ALS2: variants seen among roughly 807,000 people sequenced by gnomAD.
ALS2 encodes alsin.
In ALS2, 117 loss-of-function variants were observed where a neutral mutation model predicts 203.4. That is an observed-to-expected ratio of 0.58 (90% CI 0.50 to 0.67). The LOEUF is 0.67. Among genes scored for constraint, ALS2 ranks in the 30% least tolerant of loss-of-function variants. ALS2 has a pLI of 0.00. For missense variants in ALS2, 1,715 were observed against 1,989.4 expected (o/e 0.86, Z 2.62); for synonymous variants, 718 against 725.9 (o/e 0.99, Z 0.17).
chr2:201,752,370 T>C (rs939885331), intron 7 of ALS2, among the ~76,000 whole-genome samples: 2 of 152,170 alleles, frequency 1.3e-5, no homozygotes. Context: ...TATATGTATA[T>C]AATAAAGCCA....
chr2:201,709,193 G>A (rs1227228992), intron 27 of ALS2, among the ~76,000 whole-genome samples: 2 of 152,052 alleles, frequency 1.3e-5, no homozygotes, highest in East Asian at 3.9e-4. Flanking sequence ...TGCCTTCTTC[G>A]AGTCTCTGCT....
At chr2:201,767,117 A>G in intron 3 of ALS2, 112 bp downstream of exon 3, 1 of 1,234,248 alleles carries the variant, frequency 8.1e-7, no homozygotes, top group Non-Finnish European at 1.1e-6. Flanking sequence ...AAAAAAAAAG[A>G]AAGAAAAAGA....
intron 11 of ALS2, among the ~76,000 whole-genome samples, chr2:201,740,843 A>G (rs1692221260): frequency 3.9e-5 from 6 of 152,156 alleles, no homozygotes; most frequent in Admixed American, 3.9e-4. Flanking sequence ...TTATGTTATA[A>G]ATAATCAAAA....
intron 1 of ALS2, among the ~76,000 whole-genome samples, chr2:201,780,528 A>AGCT (rs531034005): frequency 3.2e-4 from 48 of 152,316 alleles, no homozygotes; most frequent in African/African-American, 1.1e-3. Flanking sequence ...GTGAATGAAT[A>AGCT]GCTGGAAGGC....
rs755444821 is a variant in ALS2 at position 201,744,316 on chromosome 2, T to A, written c.2112A>T (p.Arg704=). The part of the protein sequence containing the change: ...SLHELATTER[R]FYSKLSDIKS... ...TGATATCACTTAGTTTTGAATAGAATCGTCTTTCTGTAGTAGCTAACTCGT... is the reference window on the plus strand; with the variant it reads ...TGATATCACTTAGTTTTGAATAGAAACGTCTTTCTGTAGTAGCTAACTCGT... The change falls in exon 10 of 34, where the codon CGA becomes CGT. Residue 704 remains arginine (R), a synonymous_variant. Coordinates refer to ENST00000264276, the MANE Select transcript of ALS2 (RefSeq NM_020919.4). 1.9e-6 allele frequency: 3 copies of A among 1,614,134 alleles called. No individual in the cohort carries two copies. In the East Asian group the frequency reaches 6.7e-5, roughly 36 times the overall value.
At chr2:201,706,664 T>C (rs775067399) in intron 29 of ALS2, among the ~76,000 whole-genome samples, 182 bp downstream of exon 29, 2 of 150,944 alleles carry the variant, frequency 1.3e-5, no homozygotes, top group Non-Finnish European at 3.0e-5. Flanking sequence ...GGTTTCATAC[T>C]CATCTCCAAA....
chr2:201,772,020 C>T (rs1694409581), intron 1 of ALS2, among the ~76,000 whole-genome samples: 1 of 152,222 alleles, frequency 6.6e-6, no homozygotes, highest in Non-Finnish European at 1.5e-5. Context: ...CTTCAGTCTT[C>T]TGAACCGCAG....
chr2:201,748,713 C>G (rs114656966), intron 8 of ALS2, among the ~76,000 whole-genome samples: 93 of 152,264 alleles, frequency 6.1e-4, no homozygotes, highest in African/African-American at 2.2e-3. Flanking sequence ...ATACTGAAAA[C>G]ATTTCAGATT....
chr2:201,744,097 G>T (rs1218809970), intron 10 of ALS2, among the ~76,000 whole-genome samples, 161 bp downstream of exon 10: 2 of 152,162 alleles, frequency 1.3e-5, no homozygotes, highest in Non-Finnish European at 2.9e-5. Flanking sequence ...TGACAAATTG[G>T]AAACAGTTTG....
chr2:201,737,526 CTAAAG>C (rs1691956081), intron 12 of ALS2, among the ~76,000 whole-genome samples: 2 of 152,140 alleles, frequency 1.3e-5, no homozygotes, highest in South Asian at 4.2e-4. Context: ...TACCAAAAAC[CTAAAG>C]TAATCATTTT....
intron 28 of ALS2, 83 bp from the exon 29 acceptor site, chr2:201,707,105 A>G (rs1194687819): frequency 1.5e-6 from 2 of 1,305,368 alleles, no homozygotes; most frequent in Non-Finnish European, 2.2e-6. Flanking sequence ...TTCAGTTTCA[A>G]AAAGTCAAAA....
chr2:201,749,304 T>G (rs552787333), intron 8 of ALS2, among the ~76,000 whole-genome samples: 79 of 152,278 alleles, frequency 5.2e-4, no homozygotes, highest in African/African-American at 1.9e-3. Flanking sequence ...CTACTCTGCA[T>G]GTTATTTTTA....
intron 25 of ALS2, 21 bp from the exon 26 acceptor site, chr2:201,711,129 G>A: frequency 1.4e-6 from 2 of 1,431,082 alleles, no homozygotes; most frequent in Non-Finnish European, 2.0e-6. Context: ...GGAAAGAAAA[G>A]TCTGTTGTAT....
chr2:201,752,476 T>C (rs1286204491), intron 7 of ALS2, among the ~76,000 whole-genome samples: 1 of 152,118 alleles, frequency 6.6e-6, no homozygotes, highest in Non-Finnish European at 1.5e-5. Flanking sequence ...CCTTTTTCTT[T>C]CCTAATATTA....
At chr2:201,717,107 GGTGT>G (rs142236864) in intron 24 of ALS2, among the ~76,000 whole-genome samples, 13 of 151,054 alleles carry the variant, frequency 8.6e-5, no homozygotes, top group African/African-American at 2.2e-4. Flanking sequence ...TTCCACTTGG[GGTGT>G]GTGTGTGTGT....
chr2:201,760,898 T>C lies in ALS2; in HGVS notation c.1096A>G (p.Lys366Glu), dbSNP rs1012769887. The change falls in exon 4 of 34, where the codon AAG (lysine) becomes GAG (glutamate). Residue 366 changes from lysine (K) to glutamate (E), a missense_variant. Physicochemically the swap from Lys to Glu is moderately conservative, Grantham distance 56 (BLOSUM62 1). This residue lies in a region of ALS2 where 476 missense variants were observed against 539.3 expected (regional missense o/e 0.88). Coordinates refer to ENST00000264276, the MANE Select transcript of ALS2 (RefSeq NM_020919.4). ...SVREDSEHGE[K>E]PVPSQPLLEE... The stretch of plus-strand genomic sequence containing the variant: ...GCAGGTACCTGAGATGGCACTGGCT[T>C]TTCACCATGCTCTGAGTCCTCTCTT... 3 of 1,613,440 alleles carry C rather than the reference T, an allele frequency of 1.9e-6. No homozygotes were observed. The highest frequency in any genetic ancestry group is 2.5e-6 in the Non-Finnish European group (3 of 1,179,514).
rs1229744760 is a variant in ALS2, at chr2:201,729,127, A to T, written c.2637T>A (p.Ala879=). 6.2e-7 allele frequency: 1 copy of T among 1,614,028 alleles called. No homozygotes were observed. The highest frequency in any genetic ancestry group is 2.2e-5 in the East Asian group (1 of 44,872). The change falls in exon 14 of 34, where the codon GCT becomes GCA. Residue 879 remains alanine, a synonymous_variant. Transcript: ENST00000264276. Reference sequence around the variant, plus strand: ...CCTTCCTTTTCCTGCCGAGATGGAGAGCAAGACACTCATAACAAGAACTGG... The same window carrying T: ...CCTTCCTTTTCCTGCCGAGATGGAGTGCAAGACACTCATAACAAGAACTGG... ...QDSSSCYECL[A]LHLGRKRKEA...
Position 201,715,788 on chromosome 2 carries a change from C to T in ALS2, c.3888G>A (p.Val1296=). The change falls in exon 25 of 34, where the codon GTG becomes GTA. Residue 1296 remains valine, a synonymous_variant. Transcript: ENST00000264276. ...AVPADEKWKA[V]FDECWRQLGC... is the part of the protein sequence containing the mutation. ...CCAGTTGGCGCCAACATTCGTCAAA[C>T]ACCGCTTTCCACTTCTCATCAGCTG... 1.2e-6 allele frequency: 2 copies of T among 1,614,222 alleles called. No homozygotes were observed. The highest frequency in any genetic ancestry group is 1.7e-6 in the Non-Finnish European group (2 of 1,180,032).
intron 7 of ALS2, among the ~76,000 whole-genome samples, chr2:201,750,748 C>T (rs1289367725): frequency 6.6e-6 from 1 of 152,080 alleles, no homozygotes; most frequent in African/African-American, 2.4e-5. Context: ...CTCTTTTGCA[C>T]ATCAGTAAGT....
Sources: gnomAD v4.1 joint callset for allele counts (sites outside exome capture counted in the v4.1 genomes callset) on GRCh38, gnomAD v4.1.1 for gene constraint, gnomAD v4.1.1 regional missense constraint, MANE v1.5 for transcripts, NCBI Gene and HGNC (gene_info 2026-07-23, HGNC 2026-07-21) for gene names.